Variants in KCNH7 observed in about 807,000 individuals in gnomAD.
The protein encoded by KCNH7 is potassium voltage-gated channel subfamily H member 7.
KCNH7 carries 49 observed loss-of-function variants against 120.8 expected under a neutral mutation model. The ratio of observed to expected loss-of-function variants is 0.41; its 90% confidence interval spans 0.32 to 0.51. The LOEUF (loss-of-function observed/expected upper bound fraction) is 0.51. Among genes scored for constraint, KCNH7 ranks in the 20% least tolerant of loss-of-function variants. KCNH7 has a pLI of 0.38. For synonymous variants in KCNH7, 547 were observed against 516.1 expected, an observed-to-expected ratio of 1.06 and a Z score of -0.81; for missense variants, 1,097 against 1,446.6, an observed-to-expected ratio of 0.76 and a Z score of 3.92.
intron 2 of KCNH7, among the ~76,000 whole-genome samples, chr2:162,719,029 A>G (rs895730573): frequency 2.0e-5 from 3 of 152,038 alleles, no homozygotes; most frequent in African/African-American, 4.8e-5. Context: ...TTTCTGAAAG[A>G]AGGGAAGTTA....
intron 2 of KCNH7, among the ~76,000 whole-genome samples, chr2:162,806,313 C>T (rs1390811070): frequency 6.6e-6 from 1 of 152,134 alleles, no homozygotes; most frequent in African/African-American, 2.4e-5. Context: ...AACAGCTTTT[C>T]TCTCCATACG....
At chr2:162,522,017 C>T (rs907376477) in intron 3 of KCNH7, among the ~76,000 whole-genome samples, 1 of 151,826 alleles carries the variant, frequency 6.6e-6, no homozygotes, top group African/African-American at 2.4e-5. Flanking sequence ...ACATTAAACT[C>T]TGGATTAATA....
intron 15 of KCNH7, 72 bp from the exon 16 acceptor site, chr2:162,372,167 A>C: frequency 8.2e-7 from 1 of 1,221,394 alleles, no homozygotes. Context: ...TACACTAATA[A>C]AAACTTAAGC....
At chr2:162,730,634 A>C (rs1257434322) in intron 2 of KCNH7, among the ~76,000 whole-genome samples, 2 of 152,004 alleles carry the variant, frequency 1.3e-5, no homozygotes, top group East Asian at 1.9e-4. Flanking sequence ...GGCCAATAAT[A>C]CTCATGTGGT....
At chr2:162,559,492 GTTTTA>G (rs1692985722) in intron 2 of KCNH7, among the ~76,000 whole-genome samples, 1 of 152,130 alleles carries the variant, frequency 6.6e-6, no homozygotes, top group Non-Finnish European at 1.5e-5. Flanking sequence ...TTGCAAAACA[GTTTTA>G]TTTTAGAAAG....
intron 2 of KCNH7, among the ~76,000 whole-genome samples, chr2:162,749,033 A>T (rs1688450570): frequency 6.9e-6 from 1 of 144,848 alleles, no homozygotes; most frequent in Non-Finnish European, 1.5e-5. Flanking sequence ...ACAATATCTC[A>T]GTTCCTGAGA....
chr2:162,823,408 A>G (rs970967686), intron 2 of KCNH7, among the ~76,000 whole-genome samples: 6 of 152,158 alleles, frequency 3.9e-5, no homozygotes, highest in African/African-American at 1.4e-4. Flanking sequence ...ATAATTAGCA[A>G]GATACTAGTG....
intron 13 of KCNH7, among the ~76,000 whole-genome samples, chr2:162,382,113 A>T (rs1422312844): frequency 6.6e-6 from 1 of 152,060 alleles, no homozygotes; most frequent in East Asian, 1.9e-4. Context: ...CCTATGTTTA[A>T]CAGCTCTCTT....
At chr2:162,400,088 T>G (rs1028183460) in intron 10 of KCNH7, 101 bp downstream of exon 10, 14 of 1,293,054 alleles carry the variant, frequency 1.1e-5, no homozygotes, top group Non-Finnish European at 1.4e-5. Flanking sequence ...CTTAAACTGT[T>G]CTTATGAATA....
At chr2:162,820,966 C>T (rs1024008152) in intron 2 of KCNH7, among the ~76,000 whole-genome samples, 1 of 152,088 alleles carries the variant, frequency 6.6e-6, no homozygotes, top group African/African-American at 2.4e-5. Context: ...TGCTTTAATG[C>T]TAGCAGCCCC....
At chr2:162,379,051 T>C (rs1686315902) in intron 14 of KCNH7, among the ~76,000 whole-genome samples, 1 of 152,218 alleles carries the variant, frequency 6.6e-6, no homozygotes, top group Non-Finnish European at 1.5e-5. Context: ...CCATATGGTT[T>C]CCCTCTTCTC....
chr2:162,628,145 T>C (rs1042511800), intron 2 of KCNH7, among the ~76,000 whole-genome samples: 2 of 152,126 alleles, frequency 1.3e-5, no homozygotes, highest in Admixed American at 6.6e-5. Context: ...TAAATTGCAT[T>C]GTAAATGAAG....
chr2:162,494,217 G>C (rs933669515), intron 6 of KCNH7, among the ~76,000 whole-genome samples: 2 of 152,058 alleles, frequency 1.3e-5, no homozygotes, highest in African/African-American at 2.4e-5. Flanking sequence ...TAATAGTAAA[G>C]GATAATAAGA....
At chr2:162,473,495 C>T (rs1322149013) in intron 6 of KCNH7, among the ~76,000 whole-genome samples, 1 of 152,074 alleles carries the variant, frequency 6.6e-6, no homozygotes, top group African/African-American at 2.4e-5. Context: ...GTTGAAATAT[C>T]CTTATGCAAT....
chr2:162,529,272 G>A (rs1022260482), intron 3 of KCNH7, among the ~76,000 whole-genome samples: 12 of 151,950 alleles, frequency 7.9e-5, no homozygotes, highest in African/African-American at 2.9e-4. Flanking sequence ...GCTCCCAGGG[G>A]AGAAACAAAC....
chr2:162,675,459 A>G (rs1053836219), intron 2 of KCNH7, among the ~76,000 whole-genome samples: 1 of 151,584 alleles, frequency 6.6e-6, no homozygotes, highest in Non-Finnish European at 1.5e-5. Context: ...AGCAAAAAGA[A>G]AACTAGAAAC....
chr2:162,483,695 T>C (rs551006833), intron 6 of KCNH7, among the ~76,000 whole-genome samples: 105 of 152,274 alleles, frequency 6.9e-4, no homozygotes, highest in South Asian at 2.5e-3. Context: ...TTCATTACTG[T>C]GTTAAAAAAT....
At chr2:162,400,881 G>A (rs1430945995) in intron 9 of KCNH7, among the ~76,000 whole-genome samples, 7 of 151,828 alleles carry the variant, frequency 4.6e-5, no homozygotes, top group Non-Finnish European at 1.0e-4. Flanking sequence ...ATACATCTAA[G>A]TTATAATTAG....
intron 2 of KCNH7, among the ~76,000 whole-genome samples, chr2:162,696,252 C>T (rs367938372): frequency 8.9e-4 from 136 of 152,074 alleles, no homozygotes; most frequent in African/African-American, 2.9e-3. Context: ...ATGTAAATGG[C>T]GGATAGAACT....
Sources: gnomAD v4.1 joint callset for allele counts (sites outside exome capture counted in the v4.1 genomes callset) on GRCh38, gnomAD v4.1.1 for gene constraint, MANE v1.5 for transcripts, NCBI Gene and HGNC (gene_info 2026-07-23, HGNC 2026-07-21) for gene names.